Variants in DOCK3 observed in about 807,000 individuals in gnomAD.
DOCK3 encodes the protein dedicator of cytokinesis 3.
DOCK3 carries 60 observed loss-of-function variants against 265.6 expected under a neutral mutation model. That is an observed-to-expected ratio of 0.23 (90% CI 0.18 to 0.28). The LOEUF (loss-of-function observed/expected upper bound fraction) is 0.28, where lower values mean the gene tolerates loss of function less well. DOCK3 is among the 10% of genes least tolerant of loss of function. DOCK3 has a pLI of 1.00. For missense variants in DOCK3, 1,981 were observed against 2,594.3 expected (o/e 0.76, Z 5.14); for synonymous variants, 881 against 938.0 (o/e 0.94, Z 1.11).
intron 1 of DOCK3, among the ~76,000 whole-genome samples, chr3:50,725,258 A>G (rs2037743650): frequency 6.6e-6 from 1 of 152,220 alleles, no homozygotes; most frequent in South Asian, 2.1e-4. Flanking sequence ...AGAGATACTA[A>G]ATAAGGTTCT....
chr3:51,278,625 T>G, intron 26 of DOCK3: 2 of 799,308 alleles, frequency 2.5e-6, no homozygotes, highest in Non-Finnish European at 3.0e-6. Flanking sequence ...CATATATATA[T>G]ATATATATGT....
At chr3:50,977,972 C>G (rs1419557020) in intron 5 of DOCK3, among the ~76,000 whole-genome samples, 1 of 152,122 alleles carries the variant, frequency 6.6e-6, no homozygotes, top group Non-Finnish European at 1.5e-5. Flanking sequence ...CCGTTGTTCT[C>G]GAGCCTTGGT....
chr3:51,172,032 C>T (rs762419760), intron 12 of DOCK3, among the ~76,000 whole-genome samples: 19 of 152,102 alleles, frequency 1.2e-4, no homozygotes, highest in Non-Finnish European at 2.4e-4. Flanking sequence ...AATATATTTA[C>T]AACTGTTATA....
At chr3:51,144,625 CT>C (rs1258032099) in intron 9 of DOCK3, among the ~76,000 whole-genome samples, 3 of 152,142 alleles carry the variant, frequency 2.0e-5, no homozygotes, top group African/African-American at 4.8e-5. Flanking sequence ...ATTTGTTCCC[CT>C]GGCTGAAGAA....
intron 28 of DOCK3, among the ~76,000 whole-genome samples, chr3:51,311,027 A>C (rs1317700180): frequency 1.3e-5 from 2 of 152,268 alleles, no homozygotes; most frequent in Non-Finnish European, 2.9e-5. Context: ...TAAGCACTGT[A>C]ACTTTTTCCA....
intron 4 of DOCK3, among the ~76,000 whole-genome samples, chr3:50,913,492 C>T (rs910791827): frequency 2.0e-5 from 3 of 152,018 alleles, no homozygotes; most frequent in Non-Finnish European, 4.4e-5. Context: ...CCTCTCCAGT[C>T]CACTGGCTCT....
intron 9 of DOCK3, among the ~76,000 whole-genome samples, chr3:51,109,444 A>G (rs1296182182): frequency 1.3e-5 from 2 of 152,206 alleles, no homozygotes; most frequent in Non-Finnish European, 2.9e-5. Flanking sequence ...ACAACCTAAC[A>G]TCACAACTAA....
intron 5 of DOCK3, among the ~76,000 whole-genome samples, chr3:50,953,463 A>G (rs2076646670): frequency 6.6e-6 from 1 of 152,104 alleles, no homozygotes; most frequent in Non-Finnish European, 1.5e-5. Context: ...ACCTAGTTAT[A>G]CAGCCTGCCA....
chr3:51,155,050 C>G lies in DOCK3; in HGVS notation c.829-4194C>G, dbSNP rs900649971. On this transcript the variant is annotated intron_variant, in intron 10 of 52. Coordinates refer to ENST00000266037, the MANE Select transcript of DOCK3 (RefSeq NM_004947.5). ...TCAGTGCAGTGGCCTGATCATAGCT[C>G]ACATAAAAACCTTGAACCTTTGGGC... 2.6e-5 allele frequency among the ~76,000 whole-genome samples: 4 copies of G among 152,244 alleles called. No individual in the cohort carries two copies. In the East Asian group the frequency reaches 7.7e-4, roughly 29 times the overall value.
intron 29 of DOCK3, 32 bp downstream of exon 29, chr3:51,312,111 T>C (rs1320169832): frequency 2.6e-6 from 4 of 1,562,846 alleles, no homozygotes; most frequent in African/African-American, 1.4e-5. Context: ...ATCACTATTA[T>C]TGCAATAACC....
intron 40 of DOCK3, among the ~76,000 whole-genome samples, chr3:51,353,157 CT>C (rs2086116064): frequency 6.6e-6 from 1 of 152,194 alleles, no homozygotes; most frequent in African/African-American, 2.4e-5. Context: ...TTCACAAGTA[CT>C]TTCTTTGTCA....
At chr3:50,730,705 C>A (rs552667617) in intron 1 of DOCK3, among the ~76,000 whole-genome samples, 1 of 152,184 alleles carries the variant, frequency 6.6e-6, no homozygotes, top group South Asian at 2.1e-4. Flanking sequence ...GTGGTGTGCA[C>A]CTGTAGTCCT....
intron 18 of DOCK3, among the ~76,000 whole-genome samples, chr3:51,229,089 C>T (rs1299265264): frequency 6.6e-6 from 1 of 152,166 alleles, no homozygotes; most frequent in Non-Finnish European, 1.5e-5. Flanking sequence ...ATGCTTGCAG[C>T]TAGTTCTGTT....
intron 9 of DOCK3, among the ~76,000 whole-genome samples, chr3:51,098,181 C>T (rs1405708522): frequency 6.6e-6 from 1 of 152,152 alleles, no homozygotes; most frequent in South Asian, 2.1e-4. Context: ...CTCAGCCTCC[C>T]GAGCAGCTGG....
At position 51,090,275 on chromosome 3, in the gene DOCK3, G is replaced by A; in HGVS notation, c.637G>A (p.Val213Met). 6.3e-7 allele frequency: 1 copy of A among 1,599,554 alleles called. No homozygotes were observed. The highest frequency in any genetic ancestry group is 8.5e-7 in the Non-Finnish European group (1 of 1,172,650). Residue 213 changes from valine to methionine, a missense_variant, in exon 9 of 53, where the codon GTG becomes ATG. This residue lies in a region of DOCK3 where 456 missense variants were observed against 539.0 expected (regional missense o/e 0.85). Transcript: ENST00000266037. ...TCATGGGGAAACATGTCGGATGCCA[G>A]TGCCACATCACTTCTTCCTCAGCCT... ...PRHGETCRMP[V>M]PHHFFLSLKS...
At chr3:51,254,694 G>C (rs1475191807) in intron 22 of DOCK3, among the ~76,000 whole-genome samples, 3 of 152,198 alleles carry the variant, frequency 2.0e-5, no homozygotes, top group East Asian at 1.9e-4. Context: ...TGCAACCCCT[G>C]CTTTTTTTTG....
chr3:50,717,845 G>A (rs904491674), intron 1 of DOCK3, among the ~76,000 whole-genome samples: 3 of 152,052 alleles, frequency 2.0e-5, no homozygotes, highest in African/African-American at 7.2e-5. Context: ...GGCTGGTCTC[G>A]AACTCCTGGC....
intron 42 of DOCK3, 70 bp from the exon 43 acceptor site, chr3:51,356,337 T>C (rs997837732): frequency 1.2e-6 from 2 of 1,612,252 alleles, no homozygotes; most frequent in Admixed American, 1.7e-5. Context: ...ACCACTGTTT[T>C]ATCCCTCAGG....
At chr3:51,300,276 T>G (rs780107130) in intron 27 of DOCK3, among the ~76,000 whole-genome samples, 9 of 152,236 alleles carry the variant, frequency 5.9e-5, no homozygotes, top group Non-Finnish European at 1.2e-4. Context: ...TTTGCTGAAG[T>G]TGCTTATCAG....
Sources: gnomAD v4.1 joint callset for allele counts (sites outside exome capture counted in the v4.1 genomes callset) on GRCh38, gnomAD v4.1.1 for gene constraint, gnomAD v4.1.1 regional missense constraint, MANE v1.5 for transcripts, NCBI Gene and HGNC (gene_info 2026-07-23, HGNC 2026-07-21) for gene names.